NELL1: variants seen among roughly 807,000 people sequenced by gnomAD.
NELL1 encodes the protein neural EGFL like 1.
A neutral mutation model predicts 107.4 loss-of-function variants in NELL1; 76 were observed. The ratio of observed to expected loss-of-function variants is 0.71; its 90% confidence interval spans 0.59 to 0.86. The LOEUF (loss-of-function observed/expected upper bound fraction) is 0.86, where lower values mean the gene tolerates loss of function less well. Among genes scored for constraint, NELL1 ranks in the 40% least tolerant of loss-of-function variants. The probability of loss-of-function intolerance (pLI) is 0.00; values close to 1 mark genes in which losing one functional copy is unlikely to be tolerated. For missense variants in NELL1, 1,024 were observed against 1,005.5 expected, an observed-to-expected ratio of 1.02 and a Z score of -0.25; for synonymous variants, 353 against 341.2, an observed-to-expected ratio of 1.03 and a Z score of -0.38.
intron 15 of NELL1, among the ~76,000 whole-genome samples, chr11:21,470,463 A>T (rs1233395183): frequency 6.6e-6 from 1 of 152,060 alleles, no homozygotes; most frequent in Non-Finnish European, 1.5e-5. Flanking sequence ...TGTCTTCATC[A>T]TTTTAAATGC....
At chr11:21,422,092 C>CGTGTGTGTGT (rs1564886248) in intron 15 of NELL1, among the ~76,000 whole-genome samples, 11 of 50,080 alleles carry the variant, frequency 2.2e-4, no homozygotes, top group African/African-American at 4.0e-4. Flanking sequence ...GACATTTACA[C>CGTGTGTGTGT]ATATGTGTGT....
chr11:21,438,163 A>G (rs1468404221), intron 15 of NELL1, among the ~76,000 whole-genome samples: 1 of 151,920 alleles, frequency 6.6e-6, no homozygotes, highest in African/African-American at 2.4e-5. Context: ...GTGCCACTCT[A>G]TTGATAATAA....
At chr11:21,374,503 T>TA (rs1851424290) in intron 15 of NELL1, among the ~76,000 whole-genome samples, 1 of 152,066 alleles carries the variant, frequency 6.6e-6, no homozygotes, top group African/African-American at 2.4e-5. Flanking sequence ...CTGTAATGCT[T>TA]TTTGTGACTC....
At chr11:21,510,292 A>T (rs1351522766) in intron 15 of NELL1, among the ~76,000 whole-genome samples, 1 of 152,216 alleles carries the variant, frequency 6.6e-6, no homozygotes, top group African/African-American at 2.4e-5. Context: ...CATCATGAAT[A>T]ATCATGCTGG....
intron 15 of NELL1, among the ~76,000 whole-genome samples, chr11:21,424,628 AAC>A (rs1852775115): frequency 6.6e-6 from 1 of 152,186 alleles, no homozygotes; most frequent in Non-Finnish European, 1.5e-5. Flanking sequence ...CTCAAAAACA[AAC>A]AAACAAAAAA....
intron 15 of NELL1, among the ~76,000 whole-genome samples, chr11:21,393,612 T>C (rs1173300599): frequency 6.6e-6 from 1 of 151,726 alleles, no homozygotes; most frequent in Non-Finnish European, 1.5e-5. Context: ...GACCTGCATT[T>C]GGCTAGTGTT....
chr11:21,344,878 GAA>G (rs5790177), intron 14 of NELL1, among the ~76,000 whole-genome samples: 71 of 151,454 alleles, frequency 4.7e-4, no homozygotes, highest in African/African-American at 1.0e-3. Context: ...GCTTCTCCAG[GAA>G]AAAAAAAAAT....
chr11:21,211,282 A>G (rs1857491706), intron 13 of NELL1, among the ~76,000 whole-genome samples: 1 of 152,136 alleles, frequency 6.6e-6, no homozygotes, highest in African/African-American at 2.4e-5. Flanking sequence ...ATTACGTAGG[A>G]TGAAGAGGGA....
intron 11 of NELL1, among the ~76,000 whole-genome samples, chr11:20,951,041 T>G (rs1014251256): frequency 5.3e-5 from 8 of 152,202 alleles, no homozygotes; most frequent in Non-Finnish European, 1.2e-4. Context: ...GCCTGGAGAA[T>G]TTGAAGTTTT....
chr11:20,764,283 C>G (rs1454317963), intron 2 of NELL1, among the ~76,000 whole-genome samples: 1 of 152,156 alleles, frequency 6.6e-6, no homozygotes, highest in South Asian at 2.1e-4. Flanking sequence ...TAATAAATTA[C>G]ATATGTGTTA....
chr11:21,535,289 T>A, intron 16 of NELL1, among the ~76,000 whole-genome samples: 1 of 152,204 alleles, frequency 6.6e-6, no homozygotes, highest in East Asian at 1.9e-4. Flanking sequence ...TCATGTTGTG[T>A]CACCTCAGTT....
intron 13 of NELL1, among the ~76,000 whole-genome samples, chr11:21,177,249 C>A (rs1856732924): frequency 6.6e-6 from 1 of 151,670 alleles, no homozygotes; most frequent in Non-Finnish European, 1.5e-5. Flanking sequence ...CAATATCTCC[C>A]CTTTTTCTAT....
At chr11:20,705,211 C>G (rs183463541) in intron 2 of NELL1, among the ~76,000 whole-genome samples, 319 of 152,228 alleles carry the variant, frequency 2.1e-3, no homozygotes, top group African/African-American at 7.1e-3. Context: ...CCAAGTCAAT[C>G]CTAAGCCAAA....
intron 2 of NELL1, among the ~76,000 whole-genome samples, chr11:20,722,512 G>A (rs981678245): frequency 1.3e-5 from 2 of 152,204 alleles, no homozygotes; most frequent in African/African-American, 4.8e-5. Flanking sequence ...AGGATTTAGT[G>A]ATTTAAAACA....
intron 2 of NELL1, among the ~76,000 whole-genome samples, chr11:20,705,223 G>A (rs1431930125): frequency 6.6e-6 from 1 of 152,160 alleles, no homozygotes; most frequent in Non-Finnish European, 1.5e-5. Flanking sequence ...TAAGCCAAAA[G>A]AACAAAGCTG....
intron 10 of NELL1, among the ~76,000 whole-genome samples, chr11:20,944,487 G>T (rs1051261523): frequency 4.6e-5 from 7 of 152,272 alleles, no homozygotes; most frequent in African/African-American, 1.4e-4. Context: ...AGTGCACAAT[G>T]GTTAGTACAG....
At chr11:21,318,840 C>T (rs1849939643) in intron 14 of NELL1, among the ~76,000 whole-genome samples, 1 of 151,876 alleles carries the variant, frequency 6.6e-6, no homozygotes, top group East Asian at 1.9e-4. Flanking sequence ...GAGTACTTGC[C>T]CTAGAGTCAG....
At chr11:20,999,211 A>G (rs1297275437) in intron 12 of NELL1, among the ~76,000 whole-genome samples, 1 of 152,162 alleles carries the variant, frequency 6.6e-6, no homozygotes, top group Non-Finnish European at 1.5e-5. Flanking sequence ...CGTAAAAGAG[A>G]TACCACAACC....
At chr11:20,972,205 T>A (rs1408266728) in intron 12 of NELL1, among the ~76,000 whole-genome samples, 4 of 151,962 alleles carry the variant, frequency 2.6e-5, no homozygotes, top group African/African-American at 7.3e-5. Flanking sequence ...AATAAAAAAT[T>A]AAAATAAAAA....
Sources: gnomAD v4.1 joint callset for allele counts (sites outside exome capture counted in the v4.1 genomes callset) on GRCh38, gnomAD v4.1.1 for gene constraint, MANE v1.5 for transcripts, NCBI Gene and HGNC (gene_info 2026-07-23, HGNC 2026-07-21) for gene names.